The following CNN2 variants were observed in gnomAD, a reference collection of about 807,000 sequenced individuals.
CNN2 encodes calponin-2.
CNN2 carries 21 observed loss-of-function variants against 31.0 expected under a neutral mutation model. The ratio of observed to expected loss-of-function variants is 0.68; its 90% CI spans 0.48 to 0.98. CNN2 has a LOEUF of 0.98. Ranked by LOEUF, CNN2 falls within the 50% of genes least tolerant of loss-of-function variation. The pLI is 0.00. For missense variants in CNN2, 399 were observed against 427.3 expected (o/e 0.93, Z 0.58); for synonymous variants, 165 against 179.6 (o/e 0.92, Z 0.65).
At chr19:1,033,361 A>T (rs55725239) in intron 4 of CNN2, among the ~76,000 whole-genome samples, 48,446 of 151,556 alleles carry the variant, frequency 0.32, 7,939 homozygotes, top group African/African-American at 0.38. Context: ...CTACTAAGAA[A>T]ACAAAAATTA....
intron 4 of CNN2, among the ~76,000 whole-genome samples, chr19:1,033,221 T>C (rs1201664090): frequency 6.6e-6 from 1 of 152,056 alleles, no homozygotes; most frequent in Non-Finnish European, 1.5e-5. Flanking sequence ...GTATTATGCA[T>C]TATATGTAAG....
At chr19:1,032,087 G>C (rs1319825933) in intron 2 of CNN2, among the ~76,000 whole-genome samples, 1 of 152,014 alleles carries the variant, frequency 6.6e-6, no homozygotes, top group Non-Finnish European at 1.5e-5. Flanking sequence ...AATTAGCCGG[G>C]TGTGGTGGCA....
In CNN2 at chr19:1,036,358, G is replaced by A. The variant is rs368190924; in HGVS notation, c.508-58G>A. ...GGAGCCCTGTGGTCCCTCAATTTCA[G>A]GGAGGGACCGGAAGCTTGTTGGGTG... is the stretch of plus-strand genomic sequence containing the variant. On this transcript the variant is annotated intron_variant, in intron 5 of 6. Transcript: ENST00000263097. 100 of 1,593,440 alleles carry A rather than the reference G, an allele frequency of 6.3e-5. 1 individual carries two copies. In the East Asian group the frequency reaches 7.0e-4, roughly 11 times the overall value.
chr19:1,026,915 TG>T, intron 1 of CNN2, 191 bp downstream of exon 1: 1 of 555,470 alleles, frequency 1.8e-6, no homozygotes, highest in Non-Finnish European at 3.2e-6. Context: ...CCGCGAATCT[TG>T]GGGAGCACCC....
chr19:1,036,372 G>A lies in CNN2; in HGVS notation c.508-44G>A, dbSNP rs1188095627. 1.9e-6 allele frequency: 3 copies of A among 1,602,186 alleles called. No homozygotes were observed. The African/African-American group carries it at 4.0e-5, about 21-fold the overall frequency. On this transcript the variant is annotated intron_variant, in intron 5 of 6. Coordinates refer to ENST00000263097, the MANE Select transcript of CNN2 (RefSeq NM_004368.4). The stretch of plus-strand genomic sequence containing the variant: ...CCTCAATTTCAGGGAGGGACCGGAA[G>A]CTTGTTGGGTGCAGTCTGACCTCTC...
chr19:1,032,395 C>G lies in CNN2; in HGVS notation c.189C>G (p.Leu63=). 1 of 1,613,630 alleles carries G rather than the reference C, an allele frequency of 6.2e-7. No homozygotes were observed. The highest frequency in any genetic ancestry group is 2.2e-5 in the East Asian group (1 of 44,884). ...CGCCCCATGTTGTGCCCTCCAGACT[C>G]ATGAACAAGCTACAGCCGGGCTCCG... ...GLKDGTILCT[L]MNKLQPGSVP... Residue 63 remains leucine (L), a synonymous_variant, in exon 3 of 7, where the codon CTC becomes CTG. Coordinates refer to ENST00000263097, the MANE Select transcript of CNN2 (RefSeq NM_004368.4).
intron 5 of CNN2, 55 bp downstream of exon 5, chr19:1,036,301 T>G: frequency 6.4e-7 from 1 of 1,568,292 alleles, no homozygotes; most frequent in Non-Finnish European, 8.7e-7. Context: ...ACCACGGTGT[T>G]GGGGGACAGC....
At chr19:1,031,382 C>T (rs1043683482) in intron 2 of CNN2, among the ~76,000 whole-genome samples, 190 bp downstream of exon 2, 2 of 149,562 alleles carry the variant, frequency 1.3e-5, no homozygotes, top group Non-Finnish European at 3.0e-5. Flanking sequence ...CGAGACCAGC[C>T]TGGCCAACAT....
intron 6 of CNN2, 23 bp downstream of exon 6, chr19:1,036,585 C>A: frequency 1.2e-6 from 2 of 1,613,552 alleles, no homozygotes; most frequent in Non-Finnish European, 1.7e-6. Flanking sequence ...CGGGTGCCCC[C>A]GACTCCTCTC....
intron 1 of CNN2, chr19:1,026,958 T>TA: frequency 2.2e-6 from 1 of 446,108 alleles, no homozygotes; most frequent in Non-Finnish European, 4.0e-6. Context: ...AGTGACCCAT[T>TA]CCCCCCCCCA....
chr19:1,032,830 G>C (rs899066034), intron 4 of CNN2, 134 bp downstream of exon 4: 63 of 688,696 alleles, frequency 9.1e-5, no homozygotes, highest in Non-Finnish European at 1.4e-4. Context: ...TCAGGCTGGA[G>C]TGCAATGGCG....
intron 1 of CNN2, among the ~76,000 whole-genome samples, chr19:1,029,759 G>T (rs1363982149): frequency 6.6e-6 from 1 of 151,670 alleles, no homozygotes; most frequent in African/African-American, 2.4e-5. Flanking sequence ...GAGTGAAGTG[G>T]CCCGATCTTG....
intron 1 of CNN2, among the ~76,000 whole-genome samples, chr19:1,027,808 C>T (rs1193804005): frequency 6.6e-6 from 1 of 152,090 alleles, no homozygotes; most frequent in Admixed American, 6.5e-5. Flanking sequence ...ACTGCCTCTG[C>T]ACGCTCTGAG....
Position 1,032,305 on chromosome 19 carries a change from G to T in CNN2, c.186-87G>T, listed in dbSNP as rs1013442803. 6 of 1,537,130 alleles carry T rather than the reference G, an allele frequency of 3.9e-6. No individual in the cohort carries two copies. In the Admixed American group the frequency reaches 8.4e-5, roughly 22 times the overall value. ...CGTGAGTTTGCCCAGGAAGGCGTGA[G>T]CTTGGCTGAGATCAGCATCGGGTCT... On this transcript the variant is annotated intron_variant, in intron 2 of 6. Transcript: ENST00000263097.
chr19:1,031,030 G>T, intron 1 of CNN2, 41 bp from the exon 2 acceptor site: 1 of 1,578,072 alleles, frequency 6.3e-7, no homozygotes, highest in Non-Finnish European at 8.6e-7. Flanking sequence ...TGCTGGGGGT[G>T]CCCCCAGCCC....
intron 1 of CNN2, among the ~76,000 whole-genome samples, chr19:1,028,384 C>T (rs1052332053): frequency 1.3e-5 from 2 of 152,114 alleles, no homozygotes; most frequent in East Asian, 3.9e-4. Flanking sequence ...AGGCGTCGGC[C>T]AGCTTGCCAG....
At chr19:1,031,759 C>T (rs979304316) in intron 2 of CNN2, among the ~76,000 whole-genome samples, 9 of 149,650 alleles carry the variant, frequency 6.0e-5, no homozygotes, top group South Asian at 2.2e-4. Flanking sequence ...GGATTACAGG[C>T]GACTGCCACC....
intron 4 of CNN2, among the ~76,000 whole-genome samples, chr19:1,033,425 A>G (rs1044179258): frequency 2.0e-5 from 3 of 152,098 alleles, no homozygotes; most frequent in Non-Finnish European, 4.4e-5. Flanking sequence ...GGCTGAGCCC[A>G]GGAGTTAAGA....
chr19:1,036,847 T>C lies in CNN2; in HGVS notation c.654+285T>C, dbSNP rs775809442. 11 of 487,326 alleles carry C rather than the reference T, an allele frequency of 2.3e-5. 1 individual carries two copies. Among genetic ancestry groups the C allele is most frequent in the South Asian group, 2.2e-4 (11 of 49,002 alleles). 30.2% of individuals were successfully genotyped at this position (487,326 alleles called of 1,614,324 possible). A position where few individuals can be genotyped will look rare whatever the true frequency, so the allele number is the denominator to read the frequency against. On this transcript the variant is annotated intron_variant, in intron 6 of 6. Transcript: ENST00000263097. ...CCCAATTCTTTTTTTTTAATCTTTA[T>C]TTATTTTATTTATGTATTTATTTTG...
Sources: gnomAD v4.1 joint callset for allele counts (sites outside exome capture counted in the v4.1 genomes callset) on GRCh38, gnomAD v4.1.1 for gene constraint, MANE v1.5 for transcripts, NCBI Gene and HGNC (gene_info 2026-07-23, HGNC 2026-07-21) for gene names.